CTHRC1: variants seen among roughly 807,000 people sequenced by gnomAD.
The protein encoded by CTHRC1 is collagen triple helix repeat containing 1.
Under a neutral mutation model 25.9 loss-of-function variants are expected in CTHRC1, and 21 were observed. The ratio of observed to expected loss-of-function variants is 0.81; its 90% CI spans 0.57 to 1.17. The LOEUF (loss-of-function observed/expected upper bound fraction) is 1.17. CTHRC1 is among the 50% of genes most tolerant of loss of function. The pLI is 0.00. For missense variants in CTHRC1, 281 were observed against 304.3 expected (o/e 0.92, Z 0.57); for synonymous variants, 109 against 113.1 (o/e 0.96, Z 0.23).
At chr8:103,373,307 G>A (rs968797438) in intron 1 of CTHRC1, among the ~76,000 whole-genome samples, 2 of 152,142 alleles carry the variant, frequency 1.3e-5, no homozygotes, top group East Asian at 3.9e-4. Context: ...CAGTCATTAA[G>A]GTTTCAACAG....
At position 103,371,723 on chromosome 8, in the gene CTHRC1, C is replaced by T; in HGVS notation, c.67C>T (p.Gln23Ter). Residue 23 changes from glutamine (Q) to a stop codon, truncating the protein, a stop_gained, in exon 1 of 4, where the codon CAG becomes TAG. Transcript: ENST00000330295. LOFTEE classifies it high-confidence loss of function. ...LRGLLLLLLL[Q>*]LPAPSSASEI... ...CGGCCTCCTGCTGCTCCTGCTGCTG[C>T]AGCTGCCCGCGCCGTCGAGCGCCTC... 6.5e-7 allele frequency: 1 copy of T among 1,536,084 alleles called. No individual in the cohort carries two copies. The highest frequency in any genetic ancestry group is 8.8e-7 in the Non-Finnish European group (1 of 1,142,002).
rs1272144949 is a variant in CTHRC1, at chr8:103,375,734, A to G, written c.151-4A>G. 2 of 1,611,564 alleles carry G rather than the reference A, an allele frequency of 1.2e-6. No homozygotes were observed. The highest frequency in any genetic ancestry group is 2.2e-5 in the East Asian group (1 of 44,864). ...TTTTCTTTGCCTTTTCTTTCTCATT[A>G]TAGTATAATGGAATGTGCTTACAAG... On this transcript the variant is annotated splice_region_variant and splice_polypyrimidine_tract_variant and intron_variant, in intron 1 of 3. Coordinates refer to ENST00000330295, the MANE Select transcript of CTHRC1 (RefSeq NM_138455.4).
In CTHRC1 at chr8:103,378,359, A is replaced by C. The variant is rs546347357; in HGVS notation, c.589+116A>C. ...GTAAAGGGACCTCTAGCAAGTTTTC[A>C]ATGCATGATTCTCCACCCTGGGTTG... On this transcript the variant is annotated intron_variant, in intron 3 of 3. Transcript: ENST00000330295. 5.1e-6 allele frequency: 4 copies of C among 791,280 alleles called. No homozygotes were observed. The African/African-American group carries it at 6.8e-5, about 13-fold the overall frequency. 49.0% of individuals were successfully genotyped at this position (791,280 alleles called of 1,614,324 possible).
chr8:103,375,925 C>T lies in CTHRC1; in HGVS notation c.338C>T (p.Ser113Leu). Residue 113 changes from serine to leucine, a missense_variant, in exon 2 of 4, where the codon TCA (serine) becomes TTA (leucine). By Grantham distance (145) the Ser-to-Leu change is moderately radical (BLOSUM62 -2). Coordinates refer to ENST00000330295, the MANE Select transcript of CTHRC1 (RefSeq NM_138455.4). ...AACTACAAGCAGTGTTCATGGAGTT[C>T]ATTGAATTATGGCATAGATCTTGGG... ...TPNYKQCSWS[S>L]LNYGIDLGKI... 1 of 1,613,810 alleles carries T rather than the reference C, an allele frequency of 6.2e-7. No individual in the cohort carries two copies. The highest frequency in any genetic ancestry group is 8.5e-7 in the Non-Finnish European group (1 of 1,179,840).
chr8:103,380,094 G>A (rs1223217817), intron 3 of CTHRC1, among the ~76,000 whole-genome samples: 1 of 152,220 alleles, frequency 6.6e-6, no homozygotes, highest in East Asian at 1.9e-4. Flanking sequence ...TCCCATCTAA[G>A]AAATAGTCTT....
intron 3 of CTHRC1, among the ~76,000 whole-genome samples, chr8:103,378,909 C>G (rs977501721): frequency 6.6e-6 from 1 of 152,054 alleles, no homozygotes; most frequent in African/African-American, 2.4e-5. Context: ...GGGAGGATGG[C>G]TTCAGCCCAG....
At position 103,376,008 on chromosome 8, in the gene CTHRC1, ATTTTAGTGTTAAT is replaced by A. The variant is rs137979744; in HGVS notation, c.372+56_372+68del. ...TGAAGCAAGATTTAAGGGTTTTCATATTTTAGTGTTAATTTTTAGGTGACATTTTATTTTTTTT... is the reference window on the plus strand; with the variant it reads ...TGAAGCAAGATTTAAGGGTTTTCATATTTTAGGTGACATTTTATTTTTTTT... On this transcript the variant is annotated intron_variant, in intron 2 of 3. Coordinates refer to ENST00000330295, the MANE Select transcript of CTHRC1 (RefSeq NM_138455.4). The A allele has an allele frequency of 1.9e-3, 2,719 of 1,421,306 alleles. 43 individuals are homozygous for A. The African/African-American group carries it at 0.032, about 17-fold the overall frequency. The allele number at this position is 1,421,306 out of a possible 1,614,324, so 88.0% of individuals were successfully genotyped here. A position where few individuals can be genotyped will look rare whatever the true frequency, so the allele number is the denominator to read the frequency against.
chr8:103,371,716 G>C lies in CTHRC1; in HGVS notation c.60G>C (p.Leu20=). The C allele has an allele frequency of 1.3e-6, 2 of 1,536,188 alleles. No homozygotes were observed. Among genetic ancestry groups the C allele is most frequent in the Non-Finnish European group, 1.8e-6 (2 of 1,142,086 alleles). ...PQRLRGLLLL[L]LLQLPAPSSA... ...GGCTCCGCGGCCTCCTGCTGCTCCT[G>C]CTGCTGCAGCTGCCCGCGCCGTCGA... The change falls in exon 1 of 4, where the codon CTG becomes CTC. Residue 20 remains leucine, a synonymous_variant. Coordinates refer to ENST00000330295, the MANE Select transcript of CTHRC1 (RefSeq NM_138455.4).
At chr8:103,377,581 T>A (rs544572928) in intron 2 of CTHRC1, among the ~76,000 whole-genome samples, 11 of 151,794 alleles carry the variant, frequency 7.2e-5, no homozygotes, top group Admixed American at 2.6e-4. Flanking sequence ...TCCCTCCCTC[T>A]ATAAAAGTTA....
chr8:103,380,737 C>T (rs190248137), intron 3 of CTHRC1, among the ~76,000 whole-genome samples: 4 of 152,346 alleles, frequency 2.6e-5, no homozygotes, highest in Non-Finnish European at 4.4e-5. Flanking sequence ...GCTTGTCTGA[C>T]GTCCTTAGGC....
chr8:103,372,860 G>T (rs1815734077), intron 1 of CTHRC1, among the ~76,000 whole-genome samples: 1 of 152,076 alleles, frequency 6.6e-6, no homozygotes, highest in Non-Finnish European at 1.5e-5. Flanking sequence ...TAATTAAAAA[G>T]AAAGTTTTGA....
intron 1 of CTHRC1, chr8:103,372,647 C>T (rs1447011618): frequency 4.4e-6 from 7 of 1,597,866 alleles, no homozygotes; most frequent in Middle Eastern, 1.7e-4. Flanking sequence ...TCCAGGGGCT[C>T]ATCTGTGGGA....
intron 3 of CTHRC1, 80 bp from the exon 4 acceptor site, chr8:103,382,378 T>C: frequency 6.9e-7 from 1 of 1,441,352 alleles, no homozygotes. Context: ...ACAAACTAGC[T>C]TTCTGAAGTT....
intron 3 of CTHRC1, among the ~76,000 whole-genome samples, chr8:103,379,582 G>C (rs767348357): frequency 1.1e-4 from 17 of 152,068 alleles, no homozygotes; most frequent in Non-Finnish European, 2.1e-4. Flanking sequence ...CACCATGGTA[G>C]CATCAGAAAG....
chr8:103,372,941 C>T (rs1586550699), intron 1 of CTHRC1, among the ~76,000 whole-genome samples: 2 of 152,056 alleles, frequency 1.3e-5, no homozygotes, highest in South Asian at 4.1e-4. Context: ...GTATTGGATT[C>T]AAAAGTGCTG....
chr8:103,372,778 T>C, intron 1 of CTHRC1: 3 of 683,246 alleles, frequency 4.4e-6, no homozygotes, highest in Non-Finnish European at 7.1e-6. Flanking sequence ...TGGCATATTA[T>C]AAACTTCAGT....
intron 3 of CTHRC1, among the ~76,000 whole-genome samples, chr8:103,381,270 G>A (rs2917551): frequency 0.78 from 107,819 of 137,672 alleles, 41,717 homozygotes; most frequent in Middle Eastern, 0.84. Flanking sequence ...CAACAGGCCC[G>A]GGGTGTGATG....
chr8:103,371,558 C>CT lies in CTHRC1; in HGVS notation c.-98dup. ...CGGGTGAAAGGCGCATTGATGCAGC[C>CT]TGCGGCGGCCTCGGAGCGCGGCGGA... is the stretch of plus-strand genomic sequence containing the variant. On this transcript the variant is annotated 5_prime_UTR_variant, in exon 1 of 4. The change abolishes the stop of an existing upstream ORF in the 5' untranslated region. Transcript: ENST00000330295. 2 of 1,326,598 alleles carry CT rather than the reference C, an allele frequency of 1.5e-6. No individual in the cohort carries two copies. Among genetic ancestry groups the CT allele is most frequent in the Admixed American group, 4.4e-5 (2 of 45,040 alleles). The allele number at this position is 1,326,598 out of a possible 1,614,324, so 82.2% of individuals were successfully genotyped here.
intron 1 of CTHRC1, chr8:103,372,405 C>G (rs1299393793): frequency 1.5e-5 from 22 of 1,439,248 alleles, no homozygotes; most frequent in Non-Finnish European, 1.9e-5. Context: ...CTTTGTTGGA[C>G]AACCACAGCT....
Sources: gnomAD v4.1 joint callset for allele counts (sites outside exome capture counted in the v4.1 genomes callset) on GRCh38, gnomAD v4.1.1 for gene constraint, MANE v1.5 for transcripts, NCBI Gene and HGNC (gene_info 2026-07-23, HGNC 2026-07-21) for gene names.